KCNH5: variants seen among roughly 807,000 people sequenced by gnomAD.
The protein encoded by KCNH5 is voltage-gated delayed rectifier potassium channel KCNH5.
Under a neutral mutation model 96.1 loss-of-function variants are expected in KCNH5, and 46 were observed. That is an observed-to-expected ratio of 0.48 (90% CI 0.38 to 0.61). The LOEUF (loss-of-function observed/expected upper bound fraction) is 0.61. Among genes scored for constraint, KCNH5 ranks in the 20% least tolerant of loss-of-function variants. The pLI is 0.00. For synonymous variants in KCNH5, 439 were observed against 449.8 expected (o/e 0.98, Z 0.30); for missense variants, 907 against 1,225.8 (o/e 0.74, Z 3.88).
At chr14:63,036,127 G>A (rs1379764755) in intron 1 of KCNH5, among the ~76,000 whole-genome samples, 4 of 152,188 alleles carry the variant, frequency 2.6e-5, no homozygotes, top group East Asian at 1.9e-4. Flanking sequence ...TTTTAGGAAC[G>A]AGCAAGGGGA....
At chr14:62,884,659 C>T in intron 7 of KCNH5, among the ~76,000 whole-genome samples, 1 of 151,980 alleles carries the variant, frequency 6.6e-6, no homozygotes, top group East Asian at 1.9e-4. Flanking sequence ...CTAGTCTTTC[C>T]ATGTATACAG....
intron 7 of KCNH5, among the ~76,000 whole-genome samples, chr14:62,902,148 C>T (rs1335012194): frequency 1.3e-5 from 2 of 152,038 alleles, no homozygotes; most frequent in Non-Finnish European, 2.9e-5. Context: ...AATATTTTCT[C>T]CCATTATGTA....
chr14:62,934,780 T>C (rs1196497637), intron 7 of KCNH5, among the ~76,000 whole-genome samples: 2 of 152,184 alleles, frequency 1.3e-5, no homozygotes, highest in African/African-American at 4.8e-5. Context: ...TGCCAGGCCC[T>C]CGAGATAGCA....
At position 62,817,125 on chromosome 14, in the gene KCNH5, TTATAA is replaced by T. The variant is rs571022379; in HGVS notation, c.1570-14549_1570-14545del. On this transcript the variant is annotated intron_variant, in intron 8 of 10. Coordinates refer to ENST00000322893, the MANE Select transcript of KCNH5 (RefSeq NM_139318.5). ...AATTATATATGACATAATATATTTA[TTATAA>T]TATATAATATATATATACACACATA... Among the ~76,000 whole-genome samples, 543 of 137,604 alleles carry T rather than the reference TTATAA, an allele frequency of 3.9e-3. 9 individuals are homozygous for T. Among genetic ancestry groups the T allele is most frequent in the African/African-American group, 0.013 (492 of 37,506 alleles). The allele number at this position is 137,604 out of a possible 152,430, so 90.3% of individuals were successfully genotyped here. A position where few individuals can be genotyped will look rare whatever the true frequency, so the allele number is the denominator to read the frequency against.
At chr14:62,985,546 TA>T (rs1566730889) in intron 5 of KCNH5, among the ~76,000 whole-genome samples, 1 of 152,220 alleles carries the variant, frequency 6.6e-6, no homozygotes, top group African/African-American at 2.4e-5. Context: ...AGTGCAAACG[TA>T]GTGCTCAGCA....
intron 9 of KCNH5, among the ~76,000 whole-genome samples, chr14:62,786,008 T>C (rs1431003858): frequency 6.6e-6 from 1 of 152,064 alleles, no homozygotes; most frequent in Non-Finnish European, 1.5e-5. Context: ...CTGGCCAACA[T>C]GGTGAAATCC....
intron 8 of KCNH5, among the ~76,000 whole-genome samples, chr14:62,843,015 T>C (rs1332865324): frequency 6.6e-6 from 1 of 152,214 alleles, no homozygotes; most frequent in East Asian, 1.9e-4. Context: ...CCTAAATCTT[T>C]TACTGGCAGA....
intron 8 of KCNH5, among the ~76,000 whole-genome samples, chr14:62,816,044 C>A (rs1321937990): frequency 6.6e-6 from 1 of 151,764 alleles, no homozygotes; most frequent in African/African-American, 2.4e-5. Flanking sequence ...CAGATACATA[C>A]ATACATATTC....
At chr14:62,832,546 G>A (rs988098864) in intron 8 of KCNH5, among the ~76,000 whole-genome samples, 67 of 152,088 alleles carry the variant, frequency 4.4e-4, no homozygotes, top group African/African-American at 1.4e-3. Context: ...TCTTGGCTAC[G>A]GTGAATAATA....
Position 62,802,215 on chromosome 14 carries a change from G to C in KCNH5, c.1822+114C>G, listed in dbSNP as rs867418153. ...TCATTAAGATTCACGTCTCATTAGT[G>C]ACCCAATTTCCAAAGTTACCAAACA... On this transcript the variant is annotated intron_variant, in intron 9 of 10. Transcript: ENST00000322893. The C allele has an allele frequency of 2.5e-5, 25 of 984,356 alleles. 1 individual carries two copies. Among genetic ancestry groups the C allele is most frequent in the Non-Finnish European group, 3.5e-5 (23 of 657,292 alleles). 61.0% of individuals were successfully genotyped at this position (984,356 alleles called of 1,614,324 possible).
intron 7 of KCNH5, among the ~76,000 whole-genome samples, chr14:62,915,369 G>A (rs143100016): frequency 6.6e-6 from 1 of 152,152 alleles, no homozygotes; most frequent in Non-Finnish European, 1.5e-5. Flanking sequence ...ATTTTTGGAA[G>A]AAACGTGATG....
intron 8 of KCNH5, among the ~76,000 whole-genome samples, chr14:62,815,296 T>C (rs1470007981): frequency 3.9e-5 from 6 of 152,282 alleles, no homozygotes; most frequent in Admixed American, 1.3e-4. Flanking sequence ...GGTTAATTCC[T>C]GAAGAAGACA....
At chr14:62,796,480 C>A (rs1886543797) in intron 9 of KCNH5, among the ~76,000 whole-genome samples, 1 of 152,152 alleles carries the variant, frequency 6.6e-6, no homozygotes, top group Admixed American at 6.6e-5. Flanking sequence ...CATACATAAA[C>A]AAGCATAGCT....
intron 9 of KCNH5, among the ~76,000 whole-genome samples, chr14:62,781,299 C>T (rs1228608829): frequency 1.3e-5 from 2 of 152,120 alleles, no homozygotes; most frequent in African/African-American, 4.8e-5. Context: ...TATCACAAGG[C>T]AAGTGGAGGC....
At chr14:63,011,288 G>C (rs1178011167) in intron 2 of KCNH5, among the ~76,000 whole-genome samples, 1 of 151,790 alleles carries the variant, frequency 6.6e-6, no homozygotes, top group African/African-American at 2.4e-5. Flanking sequence ...TTCGAGACCA[G>C]CCTGGCCAGC....
At chr14:62,738,809 C>G (rs553714882) in intron 10 of KCNH5, among the ~76,000 whole-genome samples, 48 of 152,188 alleles carry the variant, frequency 3.2e-4, no homozygotes, top group African/African-American at 1.1e-3. Flanking sequence ...TAGAAATATA[C>G]AGTCATATGC....
At chr14:62,859,549 C>T (rs1566684876) in intron 7 of KCNH5, among the ~76,000 whole-genome samples, 1 of 152,206 alleles carries the variant, frequency 6.6e-6, no homozygotes, top group Non-Finnish European at 1.5e-5. Flanking sequence ...ATCCACATAC[C>T]TCTTCCCCAA....
chr14:62,921,253 A>G (rs957421129), intron 7 of KCNH5, among the ~76,000 whole-genome samples: 1 of 152,118 alleles, frequency 6.6e-6, no homozygotes, highest in African/African-American at 2.4e-5. Context: ...TTGCTATCAA[A>G]AACTTACCCA....
chr14:62,770,955 A>T (rs1217646633), intron 10 of KCNH5, among the ~76,000 whole-genome samples: 1 of 152,200 alleles, frequency 6.6e-6, no homozygotes, highest in African/African-American at 2.4e-5. Flanking sequence ...CTTCTGAGAA[A>T]GTAATCAAGG....
Sources: allele counts gnomAD v4.1 joint callset (sites outside exome capture counted in the v4.1 genomes callset), GRCh38; gene constraint gnomAD v4.1.1; transcripts MANE v1.5; gene names NCBI Gene and HGNC (gene_info 2026-07-23, HGNC 2026-07-21).